Variants in ACAD10 observed in about 807,000 individuals in gnomAD.
ACAD10 encodes acyl-CoA dehydrogenase family member 10.
Under a neutral mutation model 116.8 loss-of-function variants are expected in ACAD10, and 112 were observed. The observed-to-expected ratio is 0.96, with a 90% CI of 0.82 to 1.12. ACAD10 has a LOEUF of 1.12. ACAD10 is among the 50% of genes most tolerant of loss of function. ACAD10 has a pLI of 0.00. For synonymous variants in ACAD10, 486 were observed against 510.6 expected (o/e 0.95, Z 0.65); for missense variants, 1,259 against 1,350.2 (o/e 0.93, Z 1.06).
chr12:111,686,754 G>A lies in ACAD10; in HGVS notation c.-14+515G>A, dbSNP rs1593006930. 2.0e-5 allele frequency among the ~76,000 whole-genome samples: 3 copies of A among 152,144 alleles called. No homozygotes were observed. In the South Asian group the frequency reaches 6.2e-4, roughly 32 times the overall value. The stretch of plus-strand genomic sequence containing the variant: ...GAAAAGATGGTGATCTGCTGGTTAC[G>A]AGCATAGTGCTGCAGTTAGACCGGG... On this transcript the variant is annotated intron_variant, in intron 1 of 20. Coordinates refer to ENST00000313698, the MANE Select transcript of ACAD10 (RefSeq NM_025247.6).
intron 12 of ACAD10, among the ~76,000 whole-genome samples, chr12:111,742,102 G>A (rs1889760777): frequency 6.6e-6 from 1 of 152,064 alleles, no homozygotes. Flanking sequence ...CCAGTGATGT[G>A]GTCTCTTCTG....
intron 2 of ACAD10, among the ~76,000 whole-genome samples, chr12:111,694,183 C>G (rs937125197): frequency 1.3e-5 from 2 of 152,206 alleles, no homozygotes; most frequent in African/African-American, 4.8e-5. Flanking sequence ...CTCAGCCGTG[C>G]TAACTGGCTG....
chr12:111,688,110 C>G (rs1013915203), intron 1 of ACAD10: 7 of 152,176 alleles, frequency 4.6e-5, no homozygotes, highest in African/African-American at 1.4e-4. Flanking sequence ...TGTGATCCGC[C>G]CACTTCGGCC....
chr12:111,702,745 AAAGTT>A (rs1888386102), intron 3 of ACAD10, among the ~76,000 whole-genome samples: 1 of 152,154 alleles, frequency 6.6e-6, no homozygotes, highest in South Asian at 2.1e-4. Flanking sequence ...AAATAATAAT[AAAGTT>A]ATTTCTTTCA....
At chr12:111,730,113 G>A (rs906768074) in intron 10 of ACAD10, among the ~76,000 whole-genome samples, 157 bp downstream of exon 10, 2 of 152,174 alleles carry the variant, frequency 1.3e-5, no homozygotes, top group African/African-American at 2.4e-5. Context: ...CTCAGCTCTG[G>A]CACTGTGACA....
Position 111,721,693 on chromosome 12 carries a change from G to A in ACAD10, c.1015G>A (p.Ala339Thr). 3 of 1,604,780 alleles carry A rather than the reference G, an allele frequency of 1.9e-6. No homozygotes were observed. Among genetic ancestry groups the A allele is most frequent in the South Asian group, 1.1e-5 (1 of 90,394 alleles). ...CAGGATTATGAAAGCCCTTGCAAATGCTGGAGTACCTGTCCCTAACGTTCT... is the reference window on the plus strand; with the variant it reads ...CAGGATTATGAAAGCCCTTGCAAATACTGGAGTACCTGTCCCTAACGTTCT... The part of the protein sequence containing the change: ...EFRIMKALAN[A>T]GVPVPNVLDL... The change falls in exon 8 of 21, where the codon GCT (alanine) becomes ACT (threonine). Residue 339 changes from alanine (A) to threonine (T), a missense_variant. Transcript: ENST00000313698.
At chr12:111,709,400 T>C in intron 4 of ACAD10, 126 bp from the exon 5 acceptor site, 1 of 805,496 alleles carries the variant, frequency 1.2e-6, no homozygotes, top group Non-Finnish European at 1.8e-6. Context: ...ATAACACTCT[T>C]AAATTACTTG....
At chr12:111,734,089 A>G (rs1158968781) in intron 11 of ACAD10, 21 bp downstream of exon 11, 2 of 1,613,874 alleles carry the variant, frequency 1.2e-6, no homozygotes, top group Non-Finnish European at 1.7e-6. Flanking sequence ...CTGCTGGAGG[A>G]TAGTGGGGGA....
chr12:111,717,392 A>T (rs906833693), intron 7 of ACAD10, among the ~76,000 whole-genome samples: 6 of 152,066 alleles, frequency 3.9e-5, no homozygotes, highest in Non-Finnish European at 8.8e-5. Flanking sequence ...CAGGGTCATA[A>T]AACTAGTAAG....
intron 7 of ACAD10, 31 bp from the exon 8 acceptor site, chr12:111,721,640 C>T (rs755063338): frequency 1.9e-6 from 3 of 1,543,218 alleles, no homozygotes; most frequent in East Asian, 4.6e-5. Context: ...ATTCAGCCAG[C>T]AATTTTGTTT....
intron 12 of ACAD10, among the ~76,000 whole-genome samples, chr12:111,740,460 CAAAA>C (rs563956614): frequency 2.8e-5 from 2 of 71,176 alleles, no homozygotes; most frequent in African/African-American, 5.4e-5. Context: ...GACTCCATCT[CAAAA>C]AAAAAAAAAA....
intron 12 of ACAD10, among the ~76,000 whole-genome samples, chr12:111,743,209 C>CCATACTG (rs1440916481): frequency 6.6e-6 from 1 of 151,974 alleles, no homozygotes; most frequent in Non-Finnish European, 1.5e-5. Flanking sequence ...GTGATGGAGG[C>CCATACTG]CATACTGAAA....
chr12:111,747,422 A>C, intron 16 of ACAD10, 37 bp downstream of exon 16: 1 of 1,609,656 alleles, frequency 6.2e-7, no homozygotes, highest in Non-Finnish European at 8.5e-7. Context: ...AATGCACATC[A>C]GGGAGTCTGT....
chr12:111,689,549 G>C, intron 1 of ACAD10, among the ~76,000 whole-genome samples: 1 of 150,488 alleles, frequency 6.6e-6, no homozygotes, highest in East Asian at 2.0e-4. Flanking sequence ...TTTTTTTTCT[G>C]TGTTTTTAGT....
chr12:111,708,219 A>G (rs1888567295), intron 4 of ACAD10, among the ~76,000 whole-genome samples: 1 of 152,222 alleles, frequency 6.6e-6, no homozygotes, highest in South Asian at 2.1e-4. Flanking sequence ...AAGAAAGAGA[A>G]GGCTAGAGAT....
In ACAD10 at chr12:111,748,420, C is replaced by A. The variant is rs1889978209; in HGVS notation, c.2589C>A (p.Thr863=). Residue 863 remains threonine, a synonymous_variant, in exon 17 of 21, where the codon ACC becomes ACA. Coordinates refer to ENST00000313698, the MANE Select transcript of ACAD10 (RefSeq NM_025247.6). ...CTGTGCTCTTGGTTCCCATGGATAC[C>A]CCAGGGATAAAAATCATCCGGCCTC... ...QQSVLLVPMD[T]PGIKIIRPLT... 1.9e-6 allele frequency: 3 copies of A among 1,613,974 alleles called. No homozygotes were observed. The highest frequency in any genetic ancestry group is 1.7e-5 in the Admixed American group (1 of 59,992).
In ACAD10 at chr12:111,747,373, T is replaced by C. The variant is rs766492622; in HGVS notation, c.2473T>C (p.Trp825Arg). The change falls in exon 16 of 21, where the codon TGG becomes CGG. Residue 825 changes from tryptophan to arginine, a missense_variant. Trp to Arg is a moderately radical substitution (Grantham distance 101, BLOSUM62 -3). Transcript: ENST00000313698. Reference protein sequence around the residue: ...DSFYVINGHKWWITGILDPRC... With the variant: ...DSFYVINGHKRWITGILDPRC... ...CTTCTATGTCATAAACGGTCACAAATGGTGGATCACAGGTATTTGGCCTAA... is the reference window on the plus strand; with the variant it reads ...CTTCTATGTCATAAACGGTCACAAACGGTGGATCACAGGTATTTGGCCTAA... 4.3e-6 allele frequency: 7 copies of C among 1,614,156 alleles called. No individual in the cohort carries two copies. The highest frequency in any genetic ancestry group is 5.9e-6 in the Non-Finnish European group (7 of 1,180,018).
In ACAD10 at chr12:111,748,285, T is replaced by C. The variant is rs781204199; in HGVS notation, c.2486-32T>C. On this transcript the variant is annotated intron_variant, in intron 16 of 20. Transcript: ENST00000313698. ...GAGATTTGATGGCCCTGGTGTCAGA[T>C]GATGGGGTCTGTCTCTCTCCTTTCC... 10 of 1,611,296 alleles carry C rather than the reference T, an allele frequency of 6.2e-6. No individual in the cohort carries two copies. The Admixed American group carries it at 1.3e-4, about 22-fold the overall frequency.
At position 111,723,408 on chromosome 12, in the gene ACAD10, C is replaced by T. The variant is rs1356883791; in HGVS notation, c.1061+1669C>T. On this transcript the variant is annotated intron_variant, in intron 8 of 20. Coordinates refer to ENST00000313698, the MANE Select transcript of ACAD10 (RefSeq NM_025247.6). ...CTCCCTCCCGGACGGGGCGGCTGGC[C>T]GGGCGGGGGGCTGACCCCCCCGCCT... is the stretch of plus-strand genomic sequence containing the variant. Among the ~76,000 whole-genome samples the T allele has an allele frequency of 1.7e-3, 225 of 132,182 alleles. 2 individuals carry two copies. Among genetic ancestry groups the T allele is most frequent in the African/African-American group, 6.0e-3 (211 of 35,128 alleles). The allele number at this position is 132,182 out of a possible 152,430, so 86.7% of individuals were successfully genotyped here. A position where few individuals can be genotyped will look rare whatever the true frequency, so the allele number is the denominator to read the frequency against.
Sources: allele counts gnomAD v4.1 joint callset (sites outside exome capture counted in the v4.1 genomes callset), GRCh38; gene constraint gnomAD v4.1.1; transcripts MANE v1.5; gene names NCBI Gene and HGNC (gene_info 2026-07-23, HGNC 2026-07-21).